The following KIF26B variants were observed in gnomAD, a reference collection of about 807,000 sequenced individuals.
The protein encoded by KIF26B is kinesin family member 26B, also known as kinesin-like protein KIF26B.
KIF26B carries 63 observed loss-of-function variants against 151.2 expected under a neutral mutation model. The observed-to-expected ratio is 0.42, with a 90% CI of 0.34 to 0.51. KIF26B has a LOEUF of 0.51. KIF26B is among the 20% of genes least tolerant of loss of function. KIF26B has a pLI of 0.07. For missense variants in KIF26B, 2,813 were observed against 2,913.6 expected, an observed-to-expected ratio of 0.97 and a Z score of 0.79; for synonymous variants, 1,357 against 1,262.1, an observed-to-expected ratio of 1.08 and a Z score of -1.59.
At chr1:245,171,369 C>T (rs1030422948) in intron 2 of KIF26B, among the ~76,000 whole-genome samples, 16 of 152,138 alleles carry the variant, frequency 1.1e-4, no homozygotes, top group African/African-American at 3.6e-4. Flanking sequence ...TGGTGAAACC[C>T]CGTCTCTACT....
intron 4 of KIF26B, among the ~76,000 whole-genome samples, chr1:245,534,037 T>A (rs993350494): frequency 6.6e-6 from 1 of 152,146 alleles, no homozygotes; most frequent in African/African-American, 2.4e-5. Flanking sequence ...GGGTGTGAGA[T>A]GAGTGAGGCT....
At chr1:245,259,679 C>A (rs1452028461) in intron 2 of KIF26B, among the ~76,000 whole-genome samples, 1 of 152,046 alleles carries the variant, frequency 6.6e-6, no homozygotes, top group Non-Finnish European at 1.5e-5. Context: ...TGCCTGCAGT[C>A]CCAGCACTTT....
chr1:245,384,731 G>T (rs1673500429), intron 3 of KIF26B, among the ~76,000 whole-genome samples: 1 of 152,226 alleles, frequency 6.6e-6, no homozygotes, highest in Non-Finnish European at 1.5e-5. Flanking sequence ...TTTGTTATTG[G>T]TTGAAATTAA....
chr1:245,365,476 A>C (rs58552212), intron 2 of KIF26B, among the ~76,000 whole-genome samples: 1 of 149,008 alleles, frequency 6.7e-6, no homozygotes, highest in African/African-American at 2.5e-5. Flanking sequence ...ACCACCCCCC[A>C]AATGCTGATC....
chr1:245,411,128 T>C (rs1329074507), intron 3 of KIF26B, among the ~76,000 whole-genome samples: 2 of 152,238 alleles, frequency 1.3e-5, no homozygotes, highest in African/African-American at 4.8e-5. Flanking sequence ...AACCAAAACA[T>C]GTCTTGCTGA....
chr1:245,662,599 ACACAGACACC>A (rs1265541976), intron 10 of KIF26B, among the ~76,000 whole-genome samples: 9 of 133,688 alleles, frequency 6.7e-5, no homozygotes, highest in African/African-American at 2.0e-4. Flanking sequence ...AATGATATAT[ACACAGACACC>A]CAATATATAT....
Position 245,687,617 on chromosome 1 carries a change from G to C in KIF26B, c.4634G>C (p.Ser1545Thr). 1 of 1,563,808 alleles carries C rather than the reference G, an allele frequency of 6.4e-7. No homozygotes were observed. The highest frequency in any genetic ancestry group is 8.7e-7 in the Non-Finnish European group (1 of 1,154,528). ...SSLPRAFQKA[S>T]RQEEPDSLSY... ...CTTCCCAGGGCCTTTCAGAAGGCCA[G>C]CCGGCAGGAGGAGCCGGACAGCCTC... The change falls in exon 12 of 15, where the codon AGC becomes ACC. Residue 1545 changes from serine (S) to threonine (T), a missense_variant. Ser to Thr is a moderately conservative substitution (Grantham distance 58). Transcript: ENST00000407071. The surrounding 1 kb of genome is among the most constrained non-coding windows in gnomAD (Gnocchi z 4.9).
intron 4 of KIF26B, among the ~76,000 whole-genome samples, chr1:245,531,919 A>T (rs1661371117): frequency 6.6e-6 from 1 of 152,148 alleles, no homozygotes; most frequent in African/African-American, 2.4e-5. Flanking sequence ...CAACAAAGTG[A>T]GTCCCTGTCT....
At chr1:245,173,754 C>T (rs532128832) in intron 2 of KIF26B, among the ~76,000 whole-genome samples, 1 of 152,300 alleles carries the variant, frequency 6.6e-6, no homozygotes, top group East Asian at 1.9e-4. Flanking sequence ...GCAGGAGTCC[C>T]CCCCACCTTT....
chr1:245,678,066 C>G (rs139897559), intron 10 of KIF26B, among the ~76,000 whole-genome samples: 1 of 152,298 alleles, frequency 6.6e-6, no homozygotes, highest in East Asian at 1.9e-4. Context: ...TCACTGGTGA[C>G]CTTTCAGGGG....
At chr1:245,315,817 C>T (rs758011436) in intron 2 of KIF26B, among the ~76,000 whole-genome samples, 8 of 151,908 alleles carry the variant, frequency 5.3e-5, no homozygotes, top group Admixed American at 2.0e-4. Flanking sequence ...ACTTGAGCCC[C>T]GTAGATGGAG....
intron 2 of KIF26B, among the ~76,000 whole-genome samples, chr1:245,268,622 A>G (rs1049294408): frequency 6.6e-6 from 1 of 151,946 alleles, no homozygotes; most frequent in African/African-American, 2.4e-5. Flanking sequence ...CTGCTGAAAC[A>G]GTTTAAGTAC....
At chr1:245,409,994 T>C (rs181213829) in intron 3 of KIF26B, among the ~76,000 whole-genome samples, 1 of 152,330 alleles carries the variant, frequency 6.6e-6, no homozygotes, top group African/African-American at 2.4e-5. Flanking sequence ...ATGGAAGGAA[T>C]GCTAACTGGT....
At chr1:245,412,118 T>G (rs1382805920) in intron 3 of KIF26B, among the ~76,000 whole-genome samples, 2 of 152,216 alleles carry the variant, frequency 1.3e-5, no homozygotes, top group African/African-American at 2.4e-5. Context: ...TACTAAGGGT[T>G]TACAAATTAG....
At chr1:245,511,304 T>C (rs1254145832) in intron 4 of KIF26B, among the ~76,000 whole-genome samples, 2 of 152,182 alleles carry the variant, frequency 1.3e-5, no homozygotes, top group Non-Finnish European at 2.9e-5. Context: ...TTCAATGGAC[T>C]TGCAGAATAC....
intron 2 of KIF26B, among the ~76,000 whole-genome samples, chr1:245,314,976 T>C (rs36032385): frequency 0.21 from 32,162 of 151,530 alleles, 3,601 homozygotes; most frequent in Admixed American, 0.32. Context: ...AGGTCGGGAG[T>C]TGGAGACCGG....
chr1:245,475,790 C>T (rs1404232581), intron 4 of KIF26B, among the ~76,000 whole-genome samples: 29 of 151,792 alleles, frequency 1.9e-4, no homozygotes, highest in Admixed American at 1.9e-3. Flanking sequence ...GAAGCTGGAA[C>T]AGTCTATACG....
At chr1:245,477,426 G>A (rs1249338986) in intron 4 of KIF26B, among the ~76,000 whole-genome samples, 1 of 151,762 alleles carries the variant, frequency 6.6e-6, no homozygotes, top group East Asian at 1.9e-4. Flanking sequence ...GGATAGGAAG[G>A]GGCAGAGACA....
At chr1:245,440,488 C>T (rs1026863138) in intron 4 of KIF26B, among the ~76,000 whole-genome samples, 1 of 152,092 alleles carries the variant, frequency 6.6e-6, no homozygotes. Flanking sequence ...GACACAGTAC[C>T]GACTGAGAAT....
Sources: gnomAD v4.1 joint callset for allele counts (sites outside exome capture counted in the v4.1 genomes callset) on GRCh38, gnomAD v4.1.1 for gene constraint, Gnocchi (gnomAD v3.1) non-coding constraint, MANE v1.5 for transcripts, NCBI Gene and HGNC (gene_info 2026-07-23, HGNC 2026-07-21) for gene names.